The following CENPW variants were observed in gnomAD, a reference collection of about 807,000 sequenced individuals.
CENPW encodes the protein cancer-up-regulated gene 2 protein.
A neutral mutation model predicts 11.1 loss-of-function variants in CENPW; 3 were observed. The observed-to-expected ratio is 0.27, with a 90% CI of 0.12 to 0.70. The LOEUF is 0.70. Ranked by LOEUF, CENPW falls within the 30% of genes least tolerant of loss-of-function variation. The probability of loss-of-function intolerance (pLI) is 0.77; values close to 1 mark genes in which losing one functional copy is unlikely to be tolerated. For synonymous variants in CENPW, 38 were observed against 42.0 expected (o/e 0.91, Z 0.37); for missense variants, 100 against 105.6 (o/e 0.95, Z 0.23).
the CENPW span, among the ~76,000 whole-genome samples, chr6:126,367,765 G>T: frequency 6.6e-6 from 1 of 152,088 alleles, no homozygotes; most frequent in Admixed American, 6.5e-5. Context: ...TGTTTCAGTG[G>T]GTCAGGTATG....
chr6:126,384,366 C>A, the CENPW span, among the ~76,000 whole-genome samples: 1 of 151,904 alleles, frequency 6.6e-6, no homozygotes, highest in East Asian at 1.9e-4. Flanking sequence ...CCATGATCCC[C>A]AATCAAACTA....
the CENPW span, among the ~76,000 whole-genome samples, chr6:126,406,501 A>G: frequency 6.6e-6 from 1 of 152,062 alleles, no homozygotes; most frequent in East Asian, 1.9e-4. Context: ...GACTGAAAAA[A>G]TTTCCTCCAC....
At chr6:126,474,515 C>T in the CENPW span, among the ~76,000 whole-genome samples, 1 of 152,046 alleles carries the variant, frequency 6.6e-6, no homozygotes, top group African/African-American at 2.4e-5. Flanking sequence ...ATTTTAATAA[C>T]AGGTAGTTCC....
the CENPW span, among the ~76,000 whole-genome samples, chr6:126,450,880 T>C: frequency 6.6e-6 from 1 of 150,896 alleles, no homozygotes; most frequent in African/African-American, 2.4e-5. Context: ...CCTAGAAAGT[T>C]TTAATGGTGA....
the CENPW span, among the ~76,000 whole-genome samples, chr6:126,367,516 G>A: frequency 2.6e-5 from 4 of 152,086 alleles, no homozygotes; most frequent in African/African-American, 9.7e-5. Context: ...AAACATACAG[G>A]AAGTGGTACA....
chr6:126,359,747 TTTTTC>T, the CENPW span, among the ~76,000 whole-genome samples: 2 of 151,984 alleles, frequency 1.3e-5, no homozygotes, highest in Non-Finnish European at 2.9e-5. Context: ...AACTCCTGCT[TTTTTC>T]TTTTCTTTTT....
At chr6:126,363,543 C>T in the CENPW span, among the ~76,000 whole-genome samples, 1 of 152,156 alleles carries the variant, frequency 6.6e-6, no homozygotes, top group Non-Finnish European at 1.5e-5. Context: ...TTAAATCTGA[C>T]ATTTGATACT....
the CENPW span, among the ~76,000 whole-genome samples, chr6:126,417,379 ATGAGT>A: frequency 3.3e-5 from 5 of 152,318 alleles, no homozygotes; most frequent in South Asian, 1.0e-3. Flanking sequence ...TAATGTTGAA[ATGAGT>A]TAAGACTTGG....
chr6:126,453,585 C>T, the CENPW span, among the ~76,000 whole-genome samples: 1 of 151,150 alleles, frequency 6.6e-6, no homozygotes, highest in Admixed American at 6.6e-5. Flanking sequence ...AAGATTCCTA[C>T]TGGTCACCAC....
chr6:126,481,950 C>T, the CENPW span, among the ~76,000 whole-genome samples: 1 of 152,082 alleles, frequency 6.6e-6, no homozygotes, highest in African/African-American at 2.4e-5. Context: ...CTTATTTCCA[C>T]ATGCTTATTG....
the CENPW span, among the ~76,000 whole-genome samples, chr6:126,358,932 T>C: frequency 6.6e-6 from 1 of 151,988 alleles, no homozygotes; most frequent in Non-Finnish European, 1.5e-5. Flanking sequence ...AGTTCTTCTC[T>C]TATTTTAGTT....
the CENPW span, among the ~76,000 whole-genome samples, chr6:126,366,005 G>A: frequency 6.6e-6 from 1 of 152,192 alleles, no homozygotes; most frequent in Non-Finnish European, 1.5e-5. Context: ...ATTTAAATGA[G>A]GAAAAACATT....
chr6:126,344,087 A>G (rs2128289652), intron 1 of CENPW, among the ~76,000 whole-genome samples: 1 of 152,338 alleles, frequency 6.6e-6, no homozygotes, highest in South Asian at 2.1e-4. Flanking sequence ...AATAATAATT[A>G]TTAGCTGCCT....
At chr6:126,357,790 G>A in the CENPW span, among the ~76,000 whole-genome samples, 1 of 151,978 alleles carries the variant, frequency 6.6e-6, no homozygotes, top group Non-Finnish European at 1.5e-5. Flanking sequence ...AGTATTTTTA[G>A]TAGAGACGGG....
At chr6:126,348,381 C>T (rs1780448700) in intron 2 of CENPW, 85 bp from the exon 3 acceptor site, 2 of 772,104 alleles carry the variant, frequency 2.6e-6, no homozygotes, top group Non-Finnish European at 4.5e-6. Context: ...ATATTATGCA[C>T]CCAGGACTAT....
chr6:126,474,104 C>G, the CENPW span, among the ~76,000 whole-genome samples: 421 of 150,302 alleles, frequency 2.8e-3, 2 homozygotes, highest in South Asian at 0.016. Context: ...GAGAGATACA[C>G]ATATATATGT....
the CENPW span, among the ~76,000 whole-genome samples, chr6:126,393,463 GT>G: frequency 4.8e-4 from 73 of 151,366 alleles, no homozygotes; most frequent in African/African-American, 1.6e-3. Flanking sequence ...TATCCCATAA[GT>G]TTTGGTATGT....
the CENPW span, among the ~76,000 whole-genome samples, chr6:126,415,713 A>C: frequency 2.0e-5 from 3 of 152,198 alleles, no homozygotes; most frequent in Non-Finnish European, 2.9e-5. Context: ...GGTTTTAAAA[A>C]GGGGAGTTTC....
At chr6:126,404,968 A>G in the CENPW span, among the ~76,000 whole-genome samples, 1 of 150,080 alleles carries the variant, frequency 6.7e-6, no homozygotes, top group Admixed American at 6.7e-5. Flanking sequence ...TTTTCACTCT[A>G]TGGACTGTTT....
Sources: gnomAD v4.1 joint callset for allele counts (sites outside exome capture counted in the v4.1 genomes callset) on GRCh38, gnomAD v4.1.1 for gene constraint, MANE v1.5 for transcripts, NCBI Gene and HGNC (gene_info 2026-07-23, HGNC 2026-07-21) for gene names.